The following TPPP variants were observed in gnomAD, a reference collection of about 807,000 sequenced individuals.
TPPP encodes tubulin polymerization-promoting protein.
Under a neutral mutation model 15.5 loss-of-function variants are expected in TPPP, and 6 were observed. The ratio of observed to expected loss-of-function variants is 0.39; its 90% CI spans 0.21 to 0.77. The LOEUF (loss-of-function observed/expected upper bound fraction) is 0.77. Among genes scored for constraint, TPPP ranks in the 30% least tolerant of loss-of-function variants. The pLI is 0.42. For synonymous variants in TPPP, 146 were observed against 133.9 expected (o/e 1.09, Z -0.63); for missense variants, 269 against 307.2 (o/e 0.88, Z 0.93).
chr5:699,201 C>G, the TPPP span, among the ~76,000 whole-genome samples: 1 of 152,052 alleles, frequency 6.6e-6, no homozygotes, highest in Non-Finnish European at 1.5e-5. Context: ...GCTAGAAGAA[C>G]AAAGTTTCAG....
At chr5:675,935 G>T (rs946405845) in intron 2 of TPPP, 7 of 152,174 alleles carry the variant, frequency 4.6e-5, no homozygotes, top group African/African-American at 1.7e-4. Flanking sequence ...GAGGAGGTTG[G>T]CGGGGCCACT....
chr5:699,136 A>T, the TPPP span, among the ~76,000 whole-genome samples: 2,756 of 151,974 alleles, frequency 0.018, 71 homozygotes, highest in Non-Finnish European at 0.027. Flanking sequence ...TAGAAAAAAA[A>T]TCCTAAAATT....
At chr5:676,793 C>T (rs771538823) in intron 2 of TPPP, among the ~76,000 whole-genome samples, 3 of 151,652 alleles carry the variant, frequency 2.0e-5, no homozygotes, top group African/African-American at 4.9e-5. Context: ...GACACAGAAA[C>T]GCACGTGCAC....
intron 2 of TPPP, chr5:676,537 T>C (rs1465890830): frequency 6.9e-6 from 1 of 144,948 alleles, no homozygotes; most frequent in Non-Finnish European, 1.5e-5. Context: ...TGCGGCAATG[T>C]AGGAATGAAA....
rs866384908 is a variant in TPPP, at chr5:677,589, G to C, written c.311+161C>G. Among the ~76,000 whole-genome samples the C allele has an allele frequency of 2.6e-5, 4 of 152,088 alleles. No homozygotes were observed. In the East Asian group the frequency reaches 7.8e-4, roughly 30 times the overall value. ...TGCTCCCTGGGGGCCCAGATGGCACGTTCAGGCTCCCATGTCAGGGCTGCT... is the reference window on the plus strand; with the variant it reads ...TGCTCCCTGGGGGCCCAGATGGCACCTTCAGGCTCCCATGTCAGGGCTGCT... On this transcript the variant is annotated intron_variant, in intron 2 of 3. Coordinates refer to ENST00000360578, the MANE Select transcript of TPPP (RefSeq NM_007030.3).
chr5:669,285 TGAGCC>T (rs1740097271), intron 2 of TPPP, among the ~76,000 whole-genome samples: 1 of 144,142 alleles, frequency 6.9e-6, no homozygotes, highest in Admixed American at 6.9e-5. Context: ...GTGAGCCCGG[TGAGCC>T]GGAGGTGCCC....
intron 1 of TPPP, among the ~76,000 whole-genome samples, chr5:692,133 C>T (rs1244078445): frequency 8.6e-6 from 1 of 116,656 alleles, no homozygotes; most frequent in African/African-American, 3.3e-5. Flanking sequence ...ACAGCAGCCC[C>T]CCAGACCCCA....
chr5:684,929 A>G (rs1478162350), intron 1 of TPPP, among the ~76,000 whole-genome samples: 3 of 152,170 alleles, frequency 2.0e-5, no homozygotes, highest in Admixed American at 1.3e-4. Flanking sequence ...CAGCCGCTCC[A>G]GCCCAGCATC....
chr5:696,567 C>T (rs1325772140), upstream of TPPP, among the ~76,000 whole-genome samples: 1 of 141,198 alleles, frequency 7.1e-6, no homozygotes, highest in East Asian at 1.9e-4. Context: ...TGGGGACAAG[C>T]TACAGCCTAG....
At chr5:697,460 C>T (rs566118293), upstream of TPPP, among the ~76,000 whole-genome samples, 6 of 152,118 alleles carry the variant, frequency 3.9e-5, no homozygotes, top group East Asian at 1.9e-4. Context: ...GGCAGAGACA[C>T]GGAGGACCAG....
rs537544493 is a variant in TPPP, at chr5:687,013, T to C, written c.-5+6265A>G. On this transcript the variant is annotated intron_variant, in intron 1 of 3. Transcript: ENST00000360578. ...CCCCCAGAACTGTGAGAAGTGAACATATCATTTCATAAATTACCATGCCTG... is the reference window on the plus strand; with the variant it reads ...CCCCCAGAACTGTGAGAAGTGAACACATCATTTCATAAATTACCATGCCTG... Among the ~76,000 whole-genome samples, 1,078 of 136,838 alleles carry C rather than the reference T, an allele frequency of 7.9e-3. 37 individuals are homozygous for C. Among genetic ancestry groups the C allele is most frequent in the African/African-American group, 0.026 (1,026 of 38,914 alleles). 89.8% of individuals were successfully genotyped at this position (136,838 alleles called of 152,430 possible).
chr5:677,127 C>T (rs1309583263), intron 2 of TPPP, among the ~76,000 whole-genome samples: 2 of 152,272 alleles, frequency 1.3e-5, no homozygotes, highest in Non-Finnish European at 2.9e-5. Context: ...AAGGTGGTGG[C>T]CGGAGCCGCC....
rs1467223602 is a variant in TPPP at position 667,904 on chromosome 5, C to T, written c.312-1781G>A. ...CACAGAGAGGGGGCCGTGTGGGCGCCGTCAGGGAAGTACCGACAAGCACAC... is the reference window on the plus strand; with the variant it reads ...CACAGAGAGGGGGCCGTGTGGGCGCTGTCAGGGAAGTACCGACAAGCACAC... On this transcript the variant is annotated intron_variant, in intron 2 of 3. Transcript: ENST00000360578. Among the ~76,000 whole-genome samples, 12 of 73,260 alleles carry T rather than the reference C, an allele frequency of 1.6e-4. 3 individuals are homozygous for T. Among genetic ancestry groups the T allele is most frequent in the African/African-American group, 1.1e-3 (9 of 8,500 alleles). 48.1% of individuals were successfully genotyped at this position (73,260 alleles called of 152,430 possible).
At chr5:672,324 G>A (rs760479188) in intron 2 of TPPP, among the ~76,000 whole-genome samples, 8 of 152,266 alleles carry the variant, frequency 5.3e-5, no homozygotes, top group East Asian at 3.9e-4. Flanking sequence ...TCTAACCAGC[G>A]TCCAGGTATC....
chr5:670,304 G>A (rs151211160), intron 2 of TPPP, among the ~76,000 whole-genome samples: 54 of 152,262 alleles, frequency 3.5e-4, no homozygotes, highest in Admixed American at 2.5e-3. Flanking sequence ...GCCGGCGGGC[G>A]AGGTGACAGC....
intron 1 of TPPP, among the ~76,000 whole-genome samples, chr5:692,112 C>G (rs1439232373): frequency 1.2e-4 from 15 of 122,480 alleles, no homozygotes; most frequent in Admixed American, 2.5e-4. Context: ...GCCTCCCAAC[C>G]CCACATCAAA....
chr5:682,198 G>A (rs1195283154), intron 1 of TPPP, among the ~76,000 whole-genome samples: 4 of 147,898 alleles, frequency 2.7e-5, no homozygotes, highest in Non-Finnish European at 4.4e-5. Flanking sequence ...CTGGAAACCC[G>A]GGTGTCCATG....
At chr5:669,152 G>C (rs1309682088) in intron 2 of TPPP, among the ~76,000 whole-genome samples, 1 of 152,210 alleles carries the variant, frequency 6.6e-6, no homozygotes, top group Non-Finnish European at 1.5e-5. Flanking sequence ...TGTCCGGAGG[G>C]GGCTTTGGGG....
intron 2 of TPPP, among the ~76,000 whole-genome samples, chr5:672,811 G>T (rs1349247957): frequency 6.6e-6 from 1 of 152,250 alleles, no homozygotes. Flanking sequence ...TTGCAGGAGG[G>T]AGTCATTGTC....
Sources: gnomAD v4.1 joint callset for allele counts (sites outside exome capture counted in the v4.1 genomes callset) on GRCh38, gnomAD v4.1.1 for gene constraint, MANE v1.5 for transcripts, NCBI Gene and HGNC (gene_info 2026-07-23, HGNC 2026-07-21) for gene names.